The following PCDHGA12 variants were observed in gnomAD, a reference collection of about 807,000 sequenced individuals.
PCDHGA12 encodes the protein protocadherin gamma subfamily A, 12, also known as protocadherin gamma-A12.
In PCDHGA12, 43 loss-of-function variants were observed where a neutral mutation model predicts 61.1. The ratio of observed to expected loss-of-function variants is 0.70; its 90% confidence interval spans 0.55 to 0.91. PCDHGA12 has a LOEUF of 0.91. Ranked by LOEUF, PCDHGA12 falls within the 40% of genes least tolerant of loss-of-function variation. The pLI, the probability that PCDHGA12 is intolerant of heterozygous loss-of-function variation, is 0.00. For synonymous variants in PCDHGA12, 520 were observed against 542.9 expected (o/e 0.96, Z 0.59); for missense variants, 1,236 against 1,227.7 (o/e 1.01, Z -0.10).
In PCDHGA12 at chr5:141,454,796, A is replaced by ATTTT. The variant is rs61612330; in HGVS notation, c.2424+21639_2424+21642dup. Among the ~76,000 whole-genome samples, 123 of 77,452 alleles carry ATTTT rather than the reference A, an allele frequency of 1.6e-3. 16 individuals are homozygous for ATTTT. The highest frequency in any genetic ancestry group is 7.2e-3 in the South Asian group (14 of 1,958). 50.8% of individuals were successfully genotyped at this position (77,452 alleles called of 152,430 possible). On this transcript the variant is annotated intron_variant, in intron 1 of 3. Coordinates refer to ENST00000252085, the MANE Select transcript of PCDHGA12 (RefSeq NM_003735.3). ...AAGGAAATAATCCTCCATGGTTCTAATTTTTTTTTTTTTTTTTTTTTTTTT... is the reference window on the plus strand; with the variant it reads ...AAGGAAATAATCCTCCATGGTTCTAATTTTTTTTTTTTTTTTTTTTTTTTTTTTT...
In PCDHGA12 at chr5:141,490,949, A is replaced by G. The variant is rs2074912; in HGVS notation, c.2425-3858A>G. On this transcript the variant is annotated intron_variant, in intron 1 of 3. Coordinates refer to ENST00000252085, the MANE Select transcript of PCDHGA12 (RefSeq NM_003735.3). The surrounding 1 kb of genome is among the most constrained non-coding windows in gnomAD (Gnocchi z 5.4). ...CCAGCTGTGCTGCACCCACGGCCAG[A>G]CTGGGAACACTCAGCCCCCCAGCGT... 0.21 allele frequency: 331,850 copies of G among 1,613,352 alleles called. 36,311 individuals carry two copies. The highest frequency in any genetic ancestry group is 0.37 in the Admixed American group (22,349 of 59,972).
chr5:141,490,652 C>A lies in PCDHGA12; in HGVS notation c.2425-4155C>A. ...ATCCTAGAAAACCGGCCTCCGGGCT[C>A]CCTTCTTTGCACTGTGGCTGCCTCA... On this transcript the variant is annotated intron_variant, in intron 1 of 3. Transcript: ENST00000252085. The surrounding 1 kb of genome is among the most constrained non-coding windows in gnomAD (Gnocchi z 5.4). 6.2e-7 allele frequency: 1 copy of A among 1,614,208 alleles called. No individual in the cohort carries two copies. Among genetic ancestry groups the A allele is most frequent in the Non-Finnish European group, 8.5e-7 (1 of 1,180,026 alleles).
chr5:141,492,619 G>A lies in PCDHGA12; in HGVS notation c.2425-2188G>A, dbSNP rs778698501. ...GCGACTGCCGCTCTAAGTGCCGGGC[G>A]GGCAGGACTCTACGATCCTTGGGCC... On this transcript the variant is annotated intron_variant, in intron 1 of 3. Coordinates refer to ENST00000252085, the MANE Select transcript of PCDHGA12 (RefSeq NM_003735.3). 7.8e-4 allele frequency among the ~76,000 whole-genome samples: 118 copies of A among 152,234 alleles called. 1 individual carries two copies. The highest frequency in any genetic ancestry group is 3.3e-3 in the Admixed American group (51 of 15,282).
chr5:141,432,191 G>C lies in PCDHGA12; in HGVS notation c.1432G>C (p.Asp478His). 2.5e-6 allele frequency: 4 copies of C among 1,614,110 alleles called. No individual in the cohort carries two copies. Among genetic ancestry groups the C allele is most frequent in the Non-Finnish European group, 3.4e-6 (4 of 1,180,026 alleles). Residue 478 changes from aspartate (D) to histidine (H), a missense_variant, in exon 1 of 4, where the codon GAC becomes CAC. Asp to His is a moderately conservative substitution (Grantham distance 81). Coordinates refer to ENST00000252085, the MANE Select transcript of PCDHGA12 (RefSeq NM_003735.3). The surrounding 1 kb of genome is among the most constrained non-coding windows in gnomAD (Gnocchi z 6.0). ...GVSLVSVTAH[D>H]PDCEENAQIT... ...TTCCCTCGTCTCTGTGACCGCCCAC[G>C]ACCCCGACTGTGAAGAGAACGCCCA... is the stretch of plus-strand genomic sequence containing the variant.
chr5:141,476,868 C>T lies in PCDHGA12; in HGVS notation c.2425-17939C>T, dbSNP rs1213404395. On this transcript the variant is annotated intron_variant, in intron 1 of 3. Coordinates refer to ENST00000252085, the MANE Select transcript of PCDHGA12 (RefSeq NM_003735.3). This position sits in a 1 kb window ranked among gnomAD's most constrained non-coding sequence, Gnocchi z 7.6. ...GTCTTCAACCAGTCCTTGTACCGGG[C>T]GCGCGTCCTGGAGGATGCACCCTCC... 3 of 1,613,874 alleles carry T rather than the reference C, an allele frequency of 1.9e-6. No individual in the cohort carries two copies. Among genetic ancestry groups the T allele is most frequent in the Admixed American group, 3.3e-5 (2 of 60,026 alleles).
Position 141,511,350 on chromosome 5 carries a change from C to T in PCDHGA12, c.*177C>T, listed in dbSNP as rs1303365585. Reference sequence around the variant, plus strand: ...CCCAGTCAGCACCTACCCCTTCCCCCCCAGGGGGTTGAATATGCAAAAGCA... The same window carrying T: ...CCCAGTCAGCACCTACCCCTTCCCCTCCAGGGGGTTGAATATGCAAAAGCA... On this transcript the variant is annotated 3_prime_UTR_variant, in exon 4 of 4. Transcript: ENST00000252085. The T allele has an allele frequency of 6.4e-6, 9 of 1,397,076 alleles. No homozygotes were observed. Among genetic ancestry groups the T allele is most frequent in the Non-Finnish European group, 8.6e-6 (9 of 1,050,666 alleles). 86.5% of individuals were successfully genotyped at this position (1,397,076 alleles called of 1,614,324 possible).
chr5:141,489,943 A>G lies in PCDHGA12; in HGVS notation c.2425-4864A>G. ...CCTTATCTCTGTCATCGTGCTGGAC[A>G]TCAATGATAATGCTCCAACCTTCCA... On this transcript the variant is annotated intron_variant, in intron 1 of 3. Transcript: ENST00000252085. The surrounding 1 kb of genome is among the most constrained non-coding windows in gnomAD (Gnocchi z 4.5). 5.6e-6 allele frequency: 9 copies of G among 1,614,190 alleles called. No homozygotes were observed. Among genetic ancestry groups the G allele is most frequent in the Non-Finnish European group, 7.6e-6 (9 of 1,180,016 alleles).
chr5:141,494,198 C>T (rs1383940298), intron 1 of PCDHGA12, among the ~76,000 whole-genome samples: 8 of 152,158 alleles, frequency 5.3e-5, no homozygotes, highest in African/African-American at 1.7e-4. Context: ...TTGGATGCCC[C>T]GCAAAGGCCC....
intron 1 of PCDHGA12, among the ~76,000 whole-genome samples, chr5:141,446,322 C>A (rs1561922470): frequency 2.0e-5 from 3 of 151,968 alleles, no homozygotes; most frequent in South Asian, 4.1e-4. Flanking sequence ...TGGGTTTCCA[C>A]ATTAAGGAAC....
At chr5:141,478,920 C>A (rs559060283) in intron 1 of PCDHGA12, 1 of 728,392 alleles carries the variant, frequency 1.4e-6, no homozygotes. Context: ...ATACCTCTAA[C>A]CAGTGGCAGC....
Position 141,432,691 on chromosome 5 carries a change from G to A in PCDHGA12, c.1932G>A (p.Val644=), listed in dbSNP as rs1308174141. Reference sequence around the variant, plus strand: ...ACGCGCTCAAGCAGAGCCTCGTAGTGGCCGTCCAGGACCACGGCCAGCCCC... The same window carrying A: ...ACGCGCTCAAGCAGAGCCTCGTAGTAGCCGTCCAGGACCACGGCCAGCCCC... ...DRDALKQSLV[V]AVQDHGQPPL... is the part of the protein sequence containing the mutation. Residue 644 remains valine, a synonymous_variant, in exon 1 of 4, where the codon GTG becomes GTA. Transcript: ENST00000252085. The surrounding 1 kb of genome is among the most constrained non-coding windows in gnomAD (Gnocchi z 6.0). 1 of 1,613,942 alleles carries A rather than the reference G, an allele frequency of 6.2e-7. No individual in the cohort carries two copies. Among genetic ancestry groups the A allele is most frequent in the South Asian group, 1.1e-5 (1 of 91,068 alleles).
Position 141,489,510 on chromosome 5 carries a change from T to A in PCDHGA12, c.2425-5297T>A, listed in dbSNP as rs762210983. 1 of 1,614,124 alleles carries A rather than the reference T, an allele frequency of 6.2e-7. No individual in the cohort carries two copies. The highest frequency in any genetic ancestry group is 1.7e-5 in the Admixed American group (1 of 60,022). On this transcript the variant is annotated intron_variant, in intron 1 of 3. Transcript: ENST00000252085. This position sits in a 1 kb window ranked among gnomAD's most constrained non-coding sequence, Gnocchi z 4.5. Reference sequence around the variant, plus strand: ...GTGCCCTGGCAGTGAATCAAAAGATTGACCGAGAAAGCCTATGTGGAGCCA... The same window carrying A: ...GTGCCCTGGCAGTGAATCAAAAGATAGACCGAGAAAGCCTATGTGGAGCCA...
intron 1 of PCDHGA12, among the ~76,000 whole-genome samples, chr5:141,492,095 CT>C (rs1047956109): frequency 6.6e-6 from 1 of 152,232 alleles, no homozygotes; most frequent in African/African-American, 2.4e-5. Context: ...CTTCGCCGGT[CT>C]GTAGATTTCC....
rs2099706000 is a variant in PCDHGA12 at position 141,490,911 on chromosome 5, G to A, written c.2425-3896G>A. 1 of 1,613,722 alleles carries A rather than the reference G, an allele frequency of 6.2e-7. No individual in the cohort carries two copies. Among genetic ancestry groups the A allele is most frequent in the Non-Finnish European group, 8.5e-7 (1 of 1,179,746 alleles). Reference sequence around the variant, plus strand: ...CTCTGCATGTGTTTGTCCTAGACGAGAATGATAATGCCCCAGCTGTGCTGC... The same window carrying A: ...CTCTGCATGTGTTTGTCCTAGACGAAAATGATAATGCCCCAGCTGTGCTGC... On this transcript the variant is annotated intron_variant, in intron 1 of 3. Coordinates refer to ENST00000252085, the MANE Select transcript of PCDHGA12 (RefSeq NM_003735.3). This position sits in a 1 kb window ranked among gnomAD's most constrained non-coding sequence, Gnocchi z 5.4.
rs374140638 is a variant in PCDHGA12 at position 141,487,759 on chromosome 5, C to T, written c.2425-7048C>T. ...TTGTAAGAGGTAACTATGTGGTAGA[C>T]GCTGTGCTTTGTAACTGTTTCGTGA... On this transcript the variant is annotated intron_variant, in intron 1 of 3. Transcript: ENST00000252085. The surrounding 1 kb of genome is among the most constrained non-coding windows in gnomAD (Gnocchi z 5.0). 45 of 1,546,278 alleles carry T rather than the reference C, an allele frequency of 2.9e-5. No individual in the cohort carries two copies. The highest frequency in any genetic ancestry group is 1.1e-4 in the African/African-American group (8 of 73,160).
rs561392729 is a variant in PCDHGA12, at chr5:141,475,706, G to T, written c.2425-19101G>T. On this transcript the variant is annotated intron_variant, in intron 1 of 3. Transcript: ENST00000252085. ...GGATTGGAGACTTGCAGAACGGCTA[G>T]CCTCACAGCCCCAAGGCTGGCTTTC... Among the ~76,000 whole-genome samples the T allele has an allele frequency of 7.2e-5, 11 of 152,364 alleles. 1 individual carries two copies. In the South Asian group the frequency reaches 2.3e-3, roughly 32 times the overall value.
At chr5:141,492,189 G>A (rs2099737936) in intron 1 of PCDHGA12, among the ~76,000 whole-genome samples, 1 of 152,204 alleles carries the variant, frequency 6.6e-6, no homozygotes, top group East Asian at 1.9e-4. Flanking sequence ...GCACCTGTCT[G>A]CGGGACTTAG....
At chr5:141,481,013 A>G (rs1198627648) in intron 1 of PCDHGA12, among the ~76,000 whole-genome samples, 1 of 152,164 alleles carries the variant, frequency 6.6e-6, no homozygotes, top group Admixed American at 6.5e-5. Context: ...AGCCCAGATC[A>G]CACCACTGCA....
intron 1 of PCDHGA12, among the ~76,000 whole-genome samples, chr5:141,460,640 TGTTTACACATA>T (rs2098994223): frequency 6.6e-6 from 1 of 152,096 alleles, no homozygotes; most frequent in Admixed American, 6.6e-5. Flanking sequence ...TATATAACTG[TGTTTACACATA>T]TGTAACTGTA....
Sources: gnomAD v4.1 joint callset for allele counts (sites outside exome capture counted in the v4.1 genomes callset) on GRCh38, gnomAD v4.1.1 for gene constraint, Gnocchi (gnomAD v3.1) non-coding constraint, MANE v1.5 for transcripts, NCBI Gene and HGNC (gene_info 2026-07-23, HGNC 2026-07-21) for gene names.